METTL24: variants seen among roughly 807,000 people sequenced by gnomAD.
METTL24 encodes the protein methyltransferase like 24, also known as probable methyltransferase-like protein 24.
A neutral mutation model predicts 32.7 loss-of-function variants in METTL24; 29 were observed. The ratio of observed to expected loss-of-function variants is 0.89; its 90% CI spans 0.66 to 1.21. The LOEUF (loss-of-function observed/expected upper bound fraction) is 1.21, where lower values mean the gene tolerates loss of function less well. Among genes scored for constraint, METTL24 ranks in the 50% most tolerant of loss-of-function variants. The probability of loss-of-function intolerance (pLI) is 0.00; values close to 1 mark genes in which losing one functional copy is unlikely to be tolerated. For missense variants in METTL24, 439 were observed against 468.1 expected (o/e 0.94, Z 0.57); for synonymous variants, 163 against 179.5 (o/e 0.91, Z 0.73).
intron 1 of METTL24, among the ~76,000 whole-genome samples, chr6:110,327,915 G>A (rs1368642500): frequency 2.0e-5 from 3 of 152,072 alleles, no homozygotes; most frequent in Admixed American, 1.3e-4. Flanking sequence ...CCATAACAAC[G>A]CCACCCCTAT....
intron 2 of METTL24, among the ~76,000 whole-genome samples, chr6:110,320,322 G>A (rs747087908): frequency 2.0e-5 from 3 of 152,054 alleles, no homozygotes; most frequent in East Asian, 1.9e-4. Context: ...TGCCAGTTTC[G>A]TAGGCTTTCA....
At chr6:110,286,866 G>A (rs747299585) in intron 4 of METTL24, among the ~76,000 whole-genome samples, 2 of 152,128 alleles carry the variant, frequency 1.3e-5, no homozygotes, top group African/African-American at 4.8e-5. Flanking sequence ...TGGCCTAGCC[G>A]GATGCTTCAT....
chr6:110,329,296 G>C (rs569375183), intron 1 of METTL24, among the ~76,000 whole-genome samples: 2 of 152,328 alleles, frequency 1.3e-5, no homozygotes, highest in African/African-American at 4.8e-5. Flanking sequence ...ACTAGGTTGT[G>C]AGTCCTCGAC....
chr6:110,337,444 G>C (rs576075471), intron 1 of METTL24, among the ~76,000 whole-genome samples: 1 of 152,086 alleles, frequency 6.6e-6, no homozygotes, highest in Admixed American at 6.6e-5. Context: ...AAAAAAGAGT[G>C]CACAGAATAA....
At chr6:110,251,296 T>A (rs1205389288) in intron 4 of METTL24, among the ~76,000 whole-genome samples, 1 of 152,196 alleles carries the variant, frequency 6.6e-6, no homozygotes, top group Non-Finnish European at 1.5e-5. Context: ...GGACTGGAAC[T>A]TTTACTGGAC....
At chr6:110,279,328 T>C (rs894179484) in intron 4 of METTL24, among the ~76,000 whole-genome samples, 9 of 152,102 alleles carry the variant, frequency 5.9e-5, no homozygotes. Context: ...AGTACCCAGG[T>C]AATTATGATG....
intron 3 of METTL24, among the ~76,000 whole-genome samples, chr6:110,308,642 T>C (rs1771666173): frequency 6.6e-6 from 1 of 152,188 alleles, no homozygotes; most frequent in African/African-American, 2.4e-5. Context: ...ACAGGAATGT[T>C]CATAGCAACA....
chr6:110,342,621 C>G (rs923648827), intron 1 of METTL24, among the ~76,000 whole-genome samples: 2 of 152,252 alleles, frequency 1.3e-5, no homozygotes, highest in Admixed American at 6.5e-5. Flanking sequence ...AGTATATATA[C>G]AGCTTGTGCA....
chr6:110,339,627 T>C (rs1333821211), intron 1 of METTL24, among the ~76,000 whole-genome samples: 1 of 152,170 alleles, frequency 6.6e-6, no homozygotes, highest in Non-Finnish European at 1.5e-5. Flanking sequence ...AGATCAGAAC[T>C]CCAGCCAGGG....
chr6:110,300,721 T>G (rs960921815), intron 3 of METTL24, among the ~76,000 whole-genome samples: 8 of 152,068 alleles, frequency 5.3e-5, no homozygotes, highest in African/African-American at 1.9e-4. Context: ...GCACCCCACC[T>G]AGACATTCTT....
chr6:110,299,399 G>A (rs1464925644), intron 3 of METTL24, among the ~76,000 whole-genome samples: 3 of 151,990 alleles, frequency 2.0e-5, no homozygotes, highest in Admixed American at 6.6e-5. Context: ...ACATGTAGGC[G>A]CATCATCAAA....
intron 2 of METTL24, among the ~76,000 whole-genome samples, chr6:110,317,730 C>A (rs1420939331): frequency 6.6e-6 from 1 of 152,084 alleles, no homozygotes; most frequent in Non-Finnish European, 1.5e-5. Context: ...TCATTCCCTC[C>A]TAATGCCATC....
chr6:110,350,226 T>C (rs117356979), intron 1 of METTL24, among the ~76,000 whole-genome samples: 337 of 152,360 alleles, frequency 2.2e-3, no homozygotes, highest in Non-Finnish European at 4.1e-3. Context: ...ATACTCACTA[T>C]ATCTGTGGTA....
intron 4 of METTL24, among the ~76,000 whole-genome samples, chr6:110,248,924 C>A (rs542381487): frequency 6.6e-6 from 1 of 151,926 alleles, no homozygotes; most frequent in Non-Finnish European, 1.5e-5. Flanking sequence ...AATATTTAAT[C>A]AAAACTTTGT....
intron 4 of METTL24, among the ~76,000 whole-genome samples, chr6:110,283,994 T>G (rs1771179324): frequency 6.6e-6 from 1 of 152,188 alleles, no homozygotes; most frequent in African/African-American, 2.4e-5. Context: ...ACAATTACTT[T>G]TGTACTAACC....
At chr6:110,355,416 C>A (rs973063501) in intron 1 of METTL24, among the ~76,000 whole-genome samples, 1 of 152,130 alleles carries the variant, frequency 6.6e-6, no homozygotes, top group Admixed American at 6.5e-5. Flanking sequence ...GTAAAGCTAC[C>A]ATTATTGAGA....
chr6:110,310,127 A>C (rs1226851425), intron 3 of METTL24, among the ~76,000 whole-genome samples: 1 of 152,162 alleles, frequency 6.6e-6, no homozygotes, highest in Non-Finnish European at 1.5e-5. Context: ...TCTTCTGGAA[A>C]TGCTCATGGT....
chr6:110,310,575 G>T (rs1183713792), intron 3 of METTL24, among the ~76,000 whole-genome samples: 1 of 152,092 alleles, frequency 6.6e-6, no homozygotes, highest in Non-Finnish European at 1.5e-5. Context: ...TCCATAATAT[G>T]TATCTTTTCA....
intron 2 of METTL24, 24 bp downstream of exon 2, chr6:110,322,750 A>G (rs1771949656): frequency 6.3e-7 from 1 of 1,583,908 alleles, no homozygotes; most frequent in Non-Finnish European, 8.6e-7. Flanking sequence ...TTCTTCTCTA[A>G]CTTCTTTGAG....
Sources: gnomAD v4.1 joint callset for allele counts (sites outside exome capture counted in the v4.1 genomes callset) on GRCh38, gnomAD v4.1.1 for gene constraint, MANE v1.5 for transcripts, NCBI Gene and HGNC (gene_info 2026-07-23, HGNC 2026-07-21) for gene names.